The following ACP7 variants were observed in gnomAD, a reference collection of about 807,000 sequenced individuals.
ACP7 encodes the protein acid phosphatase type 7.
ACP7 carries 58 observed loss-of-function variants against 60.6 expected under a neutral mutation model. The observed-to-expected ratio is 0.96, with a 90% CI of 0.77 to 1.19. ACP7 has a LOEUF of 1.19. Ranked by LOEUF, ACP7 falls within the 50% of genes most tolerant of loss-of-function variation. The probability of loss-of-function intolerance (pLI) is 0.00; values close to 1 mark genes in which losing one functional copy is unlikely to be tolerated. For missense variants in ACP7, 574 were observed against 596.2 expected, an observed-to-expected ratio of 0.96 and a Z score of 0.39; for synonymous variants, 237 against 232.6, an observed-to-expected ratio of 1.02 and a Z score of -0.17.
chr19:39,097,025 C>T (rs557574321), intron 2 of ACP7, among the ~76,000 whole-genome samples: 3 of 152,284 alleles, frequency 2.0e-5, no homozygotes, highest in East Asian at 3.9e-4. Context: ...TGGTCTCGAT[C>T]TCCTGACCTC....
In ACP7 at chr19:39,092,819, C is replaced by T. The variant is rs1387885586; in HGVS notation, c.122-5639C>T. 2.7e-5 allele frequency among the ~76,000 whole-genome samples: 4 copies of T among 148,118 alleles called. No individual in the cohort carries two copies. The South Asian group carries it at 6.4e-4, about 24-fold the overall frequency. On this transcript the variant is annotated intron_variant, in intron 2 of 12. Coordinates refer to ENST00000331256, the MANE Select transcript of ACP7 (RefSeq NM_001004318.3). The stretch of plus-strand genomic sequence containing the variant: ...TTGAGATGGAGTCTCGCTCTGTCAC[C>T]CAGGCTGGAGTGCTGTGGTGTGATC...
chr19:39,102,663 A>C (rs189781318), intron 11 of ACP7, among the ~76,000 whole-genome samples: 109 of 152,006 alleles, frequency 7.2e-4, no homozygotes, highest in African/African-American at 2.5e-3. Context: ...TTTCAAACCC[A>C]TTAGTGGACG....
chr19:39,099,176 T>TG, intron 4 of ACP7, 34 bp downstream of exon 4: 1 of 1,302,456 alleles, frequency 7.7e-7, no homozygotes, highest in Non-Finnish European at 9.8e-7. Context: ...GCAGGGACGG[T>TG]GGGGGGCGCG....
In ACP7 at chr19:39,085,125, C is replaced by A; in HGVS notation, c.-145C>A. The stretch of plus-strand genomic sequence containing the variant: ...TAACCACCCATCTTGAAGGAGACCT[C>A]CCTGCCCTGCCTCTGTTGTCCCCCA... On this transcript the variant is annotated 5_prime_UTR_variant, in exon 2 of 13. Coordinates refer to ENST00000331256, the MANE Select transcript of ACP7 (RefSeq NM_001004318.3). 1 of 1,079,812 alleles carries A rather than the reference C, an allele frequency of 9.3e-7. No individual in the cohort carries two copies. The highest frequency in any genetic ancestry group is 1.3e-6 in the Non-Finnish European group (1 of 770,480). The allele number at this position is 1,079,812 out of a possible 1,614,324, so 66.9% of individuals were successfully genotyped here.
At position 39,100,997 on chromosome 19, in the gene ACP7, C is replaced by A; in HGVS notation, c.856C>A (p.His286Asn). 1 of 1,613,598 alleles carries A rather than the reference C, an allele frequency of 6.2e-7. No homozygotes were observed. The highest frequency in any genetic ancestry group is 8.5e-7 in the Non-Finnish European group (1 of 1,179,988). Residue 286 changes from histidine to asparagine, a missense_variant, in exon 8 of 13, where the codon CAC becomes AAC. By Grantham distance (68) the His-to-Asn change is moderately conservative (BLOSUM62 1). Transcript: ENST00000331256. Reference protein sequence around the residue: ...AARPWIITMGHRPMYCSNADL... With the variant: ...AARPWIITMGNRPMYCSNADL... ...CCGGCCGTGGATCATCACTATGGGG[C>A]ACCGGCCCATGTACTGCTCCAACGC...
At chr19:39,089,063 T>C (rs1021992869) in intron 2 of ACP7, among the ~76,000 whole-genome samples, 2 of 151,968 alleles carry the variant, frequency 1.3e-5, no homozygotes, top group African/African-American at 4.8e-5. Flanking sequence ...TCAAGTAGCT[T>C]GGACTACAGG....
In ACP7 at chr19:39,100,970, G is replaced by T. The variant is rs2073336257; in HGVS notation, c.829G>T (p.Ala277Ser). 4 of 1,612,324 alleles carry T rather than the reference G, an allele frequency of 2.5e-6. No individual in the cohort carries two copies. In the East Asian group the frequency reaches 8.9e-5, roughly 36 times the overall value. Residue 277 changes from alanine to serine, a missense_variant, in exon 8 of 13, where the codon GCC (alanine) becomes TCC (serine). By Grantham distance (99) the Ala-to-Ser change is moderately conservative (BLOSUM62 1). Transcript: ENST00000331256. ...CTAGAAAGCCAATAAGAACCGGGCA[G>T]CCCGGCCGTGGATCATCACTATGGG... The part of the protein sequence containing the change: ...DLQKANKNRA[A>S]RPWIITMGHR...
chr19:39,098,534 G>A lies in ACP7; in HGVS notation c.198G>A (p.Pro66=), dbSNP rs914671097. The change falls in exon 3 of 13, where the codon CCG becomes CCA. Residue 66 remains proline (P), a synonymous_variant. Coordinates refer to ENST00000331256, the MANE Select transcript of ACP7 (RefSeq NM_001004318.3). ...CTGAAGTGCAATTCGGGTTGCAGCC[G>A]TCGGGGCCCCTGCCCCTCCGCGCCC... ...TRSEVQFGLQ[P]SGPLPLRAQG... is the part of the protein sequence containing the mutation. The A allele has an allele frequency of 1.9e-6, 3 of 1,611,726 alleles. No individual in the cohort carries two copies. The highest frequency in any genetic ancestry group is 3.4e-5 in the Admixed American group (2 of 59,628).
In ACP7 at chr19:39,085,282, C is replaced by G. The variant is rs2073128058; in HGVS notation, c.13C>G (p.Pro5Ala). The change falls in exon 2 of 13, where the codon CCT becomes GCT. Residue 5 changes from proline to alanine, a missense_variant. Physicochemically the swap from Pro to Ala is conservative, Grantham distance 27. Transcript: ENST00000331256. ...CCACCCCACCACCATGCACCCCCTT[C>G]CTGGCTACTGGTCCTGTTACTGTCT... is the stretch of plus-strand genomic sequence containing the variant. MHPL[P>A]GYWSCYCLLL... 6.2e-7 allele frequency: 1 copy of G among 1,613,102 alleles called. No individual in the cohort carries two copies. The highest frequency in any genetic ancestry group is 1.3e-5 in the African/African-American group (1 of 74,890).
At chr19:39,101,922 A>G (rs1028180361) in intron 11 of ACP7, among the ~76,000 whole-genome samples, 2 of 147,710 alleles carry the variant, frequency 1.4e-5, no homozygotes, top group Admixed American at 1.4e-4. Context: ...CCTGGCAAAT[A>G]CAGCAAAACC....
intron 2 of ACP7, among the ~76,000 whole-genome samples, chr19:39,087,758 C>T (rs2073160546): frequency 6.6e-6 from 1 of 151,932 alleles, no homozygotes; most frequent in South Asian, 2.1e-4. Flanking sequence ...TTCAGCCTCC[C>T]AAGTATCTGG....
In ACP7 at chr19:39,087,764, T is replaced by G. The variant is rs568982499; in HGVS notation, c.121+2374T>G. Among the ~76,000 whole-genome samples, 130 of 151,840 alleles carry G rather than the reference T, an allele frequency of 8.6e-4. 2 individuals are homozygous for G. Among genetic ancestry groups the G allele is most frequent in the South Asian group, 7.7e-3 (37 of 4,804 alleles). On this transcript the variant is annotated intron_variant, in intron 2 of 12. Transcript: ENST00000331256. ...TTCTCCTGCTTCAGCCTCCCAAGTA[T>G]CTGGGATTACAGGCATGCACCACCA... is the stretch of plus-strand genomic sequence containing the variant.
chr19:39,109,332 A>G (rs1672661), intron 12 of ACP7, among the ~76,000 whole-genome samples: 116,149 of 151,948 alleles, frequency 0.76, 44,711 homozygotes, highest in Non-Finnish European at 0.81. Context: ...CTCTGTTCTC[A>G]TGATGACTCT....
intron 2 of ACP7, among the ~76,000 whole-genome samples, chr19:39,095,073 TG>T (rs1481132960): frequency 6.6e-6 from 1 of 152,180 alleles, no homozygotes; most frequent in Non-Finnish European, 1.5e-5. Flanking sequence ...GAGATTTGGG[TG>T]GGGACACAGA....
intron 11 of ACP7, among the ~76,000 whole-genome samples, chr19:39,102,906 C>T (rs536105602): frequency 1.8e-4 from 27 of 151,254 alleles, no homozygotes; most frequent in East Asian, 9.7e-4. Flanking sequence ...GGCACGATCT[C>T]GGCTCAATGC....
intron 12 of ACP7, among the ~76,000 whole-genome samples, chr19:39,108,139 AT>A (rs35561896): frequency 9.5e-4 from 128 of 135,050 alleles, no homozygotes; most frequent in African/African-American, 2.0e-3. Context: ...CACTCATCTA[AT>A]TTTTTTTTTT....
intron 2 of ACP7, among the ~76,000 whole-genome samples, chr19:39,092,357 A>C (rs1238679010): frequency 2.2e-5 from 3 of 133,744 alleles, no homozygotes; most frequent in Non-Finnish European, 4.7e-5. Flanking sequence ...CTTGGCAACA[A>C]GTGCGAAACT....
Position 39,099,270 on chromosome 19 carries a change from C to T in ACP7, c.505+128C>T, listed in dbSNP as rs2073312246. On this transcript the variant is annotated intron_variant, in intron 4 of 12. Coordinates refer to ENST00000331256, the MANE Select transcript of ACP7 (RefSeq NM_001004318.3). The stretch of plus-strand genomic sequence containing the variant: ...ACCGTGGAGGGGACAGGGCTGGGGC[C>T]AGTGTGTCTCTGAAGGGACAGGGGA... 4.6e-6 allele frequency: 5 copies of T among 1,089,734 alleles called. No individual in the cohort carries two copies. The Admixed American group carries it at 1.9e-4, about 42-fold the overall frequency. 67.5% of individuals were successfully genotyped at this position (1,089,734 alleles called of 1,614,324 possible).
Position 39,085,072 on chromosome 19 carries a change from T to G in ACP7, c.-178-20T>G. On this transcript the variant is annotated intron_variant, in intron 1 of 12. Coordinates refer to ENST00000331256, the MANE Select transcript of ACP7 (RefSeq NM_001004318.3). The stretch of plus-strand genomic sequence containing the variant: ...TGCTGCTGTTCCTTAGCGATTCTTA[T>G]TTTTGGTTTCTCTCTCCAGCACCTG... The G allele has an allele frequency of 1.7e-6, 1 of 595,622 alleles. No individual in the cohort carries two copies. Among genetic ancestry groups the G allele is most frequent in the Non-Finnish European group, 2.8e-6 (1 of 357,124 alleles). The allele number at this position is 595,622 out of a possible 1,614,324, so 36.9% of individuals were successfully genotyped here.
Sources: allele counts gnomAD v4.1 joint callset (sites outside exome capture counted in the v4.1 genomes callset), GRCh38; gene constraint gnomAD v4.1.1; transcripts MANE v1.5; gene names NCBI Gene and HGNC (gene_info 2026-07-23, HGNC 2026-07-21).